PSD3: variants seen among roughly 807,000 people sequenced by gnomAD.
PSD3 encodes the protein pleckstrin and Sec7 domain containing 3.
Under a neutral mutation model 105.5 loss-of-function variants are expected in PSD3, and 49 were observed. That is an observed-to-expected ratio of 0.46 (90% CI 0.37 to 0.59). PSD3 has a LOEUF of 0.59. Among genes scored for constraint, PSD3 ranks in the 20% least tolerant of loss-of-function variants. The pLI is 0.00. For synonymous variants in PSD3, 557 were observed against 457.8 expected, an observed-to-expected ratio of 1.22 and a Z score of -2.77; for missense variants, 1,561 against 1,263.8, an observed-to-expected ratio of 1.24 and a Z score of -3.57.
At chr8:18,590,450 C>G (rs1056444338) in intron 12 of PSD3, among the ~76,000 whole-genome samples, 1 of 152,116 alleles carries the variant, frequency 6.6e-6, no homozygotes, top group African/African-American at 2.4e-5. Context: ...AAAATGAATC[C>G]TTTCAGATCC....
chr8:19,079,013 G>C (rs1001983008), intron 1 of PSD3, among the ~76,000 whole-genome samples: 1 of 151,960 alleles, frequency 6.6e-6, no homozygotes, highest in East Asian at 1.9e-4. Context: ...AGCTGTAAAG[G>C]TGTCCTTGCA....
At chr8:19,013,721 G>A (rs986939108), upstream of PSD3, 11 of 670,884 alleles carry the variant, frequency 1.6e-5, no homozygotes, top group East Asian at 2.8e-4. Context: ...GGCGGCCCGC[G>A]CGCACCCTGG....
chr8:18,581,516 A>C (rs1053686570), intron 12 of PSD3, among the ~76,000 whole-genome samples: 2 of 152,166 alleles, frequency 1.3e-5, no homozygotes, highest in Non-Finnish European at 1.5e-5. Flanking sequence ...ACAGTTTTGA[A>C]ATGTGCAAAT....
At chr8:18,853,311 A>C (rs1815741463) in intron 4 of PSD3, among the ~76,000 whole-genome samples, 1 of 152,186 alleles carries the variant, frequency 6.6e-6, no homozygotes, top group Non-Finnish European at 1.5e-5. Flanking sequence ...CACCTGTTAT[A>C]ATCATTGACT....
chr8:18,801,517 A>C lies in PSD3; in HGVS notation c.1911-135T>G, dbSNP rs948345539. The C allele has an allele frequency of 1.5e-4, 85 of 552,004 alleles. 1 individual carries two copies. Among genetic ancestry groups the C allele is most frequent in the Non-Finnish European group, 2.2e-4 (70 of 316,278 alleles). 34.2% of individuals were successfully genotyped at this position (552,004 alleles called of 1,614,324 possible). A position where few individuals can be genotyped will look rare whatever the true frequency, so the allele number is the denominator to read the frequency against. On this transcript the variant is annotated intron_variant, in intron 6 of 15. Transcript: ENST00000327040. Reference sequence around the variant, plus strand: ...AGATATTATGAAGTTATCTCCCCCCAAAAAAATCATTTACTAGACAGCCAT... The same window carrying C: ...AGATATTATGAAGTTATCTCCCCCCCAAAAAATCATTTACTAGACAGCCAT...
intron 8 of PSD3, among the ~76,000 whole-genome samples, chr8:18,790,016 C>T (rs1217217271): frequency 6.6e-6 from 1 of 152,038 alleles, no homozygotes; most frequent in East Asian, 1.9e-4. Flanking sequence ...GAGGTATTTT[C>T]CATATATAAA....
intron 11 of PSD3, among the ~76,000 whole-genome samples, chr8:18,615,888 T>C (rs138869727): frequency 2.2e-4 from 33 of 152,320 alleles, no homozygotes; most frequent in African/African-American, 7.0e-4. Flanking sequence ...AAATAAGCTA[T>C]TGTAATTGTA....
intron 9 of PSD3, among the ~76,000 whole-genome samples, chr8:18,711,402 C>A (rs368602966): frequency 6.6e-6 from 1 of 151,982 alleles, no homozygotes; most frequent in East Asian, 1.9e-4. Flanking sequence ...CCATCTCACA[C>A]GCAAAGACAC....
At chr8:18,943,546 A>G in intron 1 of PSD3, among the ~76,000 whole-genome samples, 1 of 152,146 alleles carries the variant, frequency 6.6e-6, no homozygotes, top group East Asian at 1.9e-4. Context: ...CCCACAAGAC[A>G]TCCAAAGGAC....
At chr8:18,742,442 G>GA (rs1298572560) in intron 9 of PSD3, among the ~76,000 whole-genome samples, 4 of 152,044 alleles carry the variant, frequency 2.6e-5, no homozygotes, top group African/African-American at 4.8e-5. Flanking sequence ...AAGCAAGGAA[G>GA]AAAAAATCTT....
chr8:18,880,654 T>C (rs1467477573), intron 2 of PSD3, among the ~76,000 whole-genome samples: 1 of 152,210 alleles, frequency 6.6e-6, no homozygotes, highest in Admixed American at 6.5e-5. Context: ...AGTTTCAACA[T>C]GGCTTCTTCC....
intron 1 of PSD3, among the ~76,000 whole-genome samples, chr8:18,948,413 A>G (rs964412156): frequency 6.6e-6 from 1 of 152,126 alleles, no homozygotes; most frequent in African/African-American, 2.4e-5. Context: ...AGAACTTTAA[A>G]AGTCAGCCCA....
chr8:18,914,574 AC>A (rs1429496066), intron 2 of PSD3, among the ~76,000 whole-genome samples: 15 of 152,178 alleles, frequency 9.9e-5, no homozygotes, highest in African/African-American at 3.1e-4. Flanking sequence ...CTAATAACAA[AC>A]TATCCAAAAA....
chr8:18,535,973 A>G lies in PSD3; in HGVS notation c.2929-15T>C, dbSNP rs1799823463. The G allele has an allele frequency of 6.2e-6, 10 of 1,608,512 alleles. No homozygotes were observed. Among genetic ancestry groups the G allele is most frequent in the Non-Finnish European group, 8.5e-6 (10 of 1,175,358 alleles). On this transcript the variant is annotated splice_polypyrimidine_tract_variant and intron_variant, in intron 15 of 15. Transcript: ENST00000327040. ...TAGCGGGTTTTCTGAAGGCAAAGCC[A>G]GAGAACAACGGTAGTCAGAAAACTG...
chr8:18,589,550 C>T (rs1803442537), intron 12 of PSD3, among the ~76,000 whole-genome samples: 1 of 152,146 alleles, frequency 6.6e-6, no homozygotes, highest in Non-Finnish European at 1.5e-5. Flanking sequence ...AATTTGGACA[C>T]TTGAAAACAG....
chr8:18,621,450 C>T (rs1806103583), intron 11 of PSD3, among the ~76,000 whole-genome samples: 1 of 152,116 alleles, frequency 6.6e-6, no homozygotes, highest in South Asian at 2.1e-4. Flanking sequence ...TGGCGGAGGA[C>T]CTCTTTCAAC....
At chr8:18,617,018 C>T (rs537381920) in intron 11 of PSD3, among the ~76,000 whole-genome samples, 26 of 152,240 alleles carry the variant, frequency 1.7e-4, no homozygotes, top group South Asian at 8.3e-4. Flanking sequence ...CATTGAGGGT[C>T]GTGTAATCAA....
intron 12 of PSD3, among the ~76,000 whole-genome samples, chr8:18,580,002 G>A (rs2634424): frequency 0.81 from 123,274 of 152,128 alleles, 51,502 homozygotes; most frequent in South Asian, 0.94. Context: ...ATTAAAGCAA[G>A]CTGGGTCCTA....
chr8:18,791,500 T>C (rs915556758), intron 8 of PSD3, among the ~76,000 whole-genome samples: 1 of 152,190 alleles, frequency 6.6e-6, no homozygotes. Flanking sequence ...ATTTAATACA[T>C]GGTGCTAGAA....
Sources: allele counts gnomAD v4.1 joint callset (sites outside exome capture counted in the v4.1 genomes callset), GRCh38; gene constraint gnomAD v4.1.1; transcripts MANE v1.5; gene names NCBI Gene and HGNC (gene_info 2026-07-23, HGNC 2026-07-21).